NOS1: variants seen among roughly 807,000 people sequenced by gnomAD.
NOS1 encodes the protein NOS type I.
NOS1 carries 51 observed loss-of-function variants against 164.5 expected under a neutral mutation model. The observed-to-expected ratio is 0.31, with a 90% CI of 0.25 to 0.39. The LOEUF (loss-of-function observed/expected upper bound fraction) is 0.39. Ranked by LOEUF, NOS1 falls within the 10% of genes least tolerant of loss-of-function variation. NOS1 has a pLI of 1.00. For missense variants in NOS1, 1,362 were observed against 1,885.6 expected, an observed-to-expected ratio of 0.72 and a Z score of 5.14; for synonymous variants, 719 against 745.8, an observed-to-expected ratio of 0.96 and a Z score of 0.59.
At chr12:117,303,240 T>C (rs943868923) in intron 3 of NOS1, among the ~76,000 whole-genome samples, 1 of 152,098 alleles carries the variant, frequency 6.6e-6, no homozygotes, top group Admixed American at 6.6e-5. Flanking sequence ...GTTGGTGTCA[T>C]CCTGGTGACC....
In NOS1 at chr12:117,330,480, T is replaced by C; in HGVS notation, c.590A>G (p.Gln197Arg). 1 of 1,614,198 alleles carries C rather than the reference T, an allele frequency of 6.2e-7. No homozygotes were observed. Among genetic ancestry groups the C allele is most frequent in the Non-Finnish European group, 8.5e-7 (1 of 1,180,040 alleles). ...CAGTTCATTGTTCTCCCCTCTGCCT[T>C]GGAGGCTGACTCTGGTTGCTTTCTT... ...PAKKATRVSL[Q>R]GRGENNELLK... The change falls in exon 2 of 29, where the codon CAA becomes CGA. Residue 197 changes from glutamine (Q) to arginine (R), a missense_variant. Gln to Arg is a conservative substitution (Grantham distance 43). Coordinates refer to ENST00000317775, the MANE Select transcript of NOS1 (RefSeq NM_000620.5). The surrounding 1 kb of genome is among the most constrained non-coding windows in gnomAD (Gnocchi z 4.6).
intron 8 of NOS1, among the ~76,000 whole-genome samples, chr12:117,280,319 C>T (rs770305463): frequency 5.9e-5 from 9 of 152,172 alleles, no homozygotes; most frequent in East Asian, 1.9e-4. Flanking sequence ...GACATTATCT[C>T]GTAACTCAGA....
At chr12:117,328,704 A>G (rs527721120) in intron 2 of NOS1, among the ~76,000 whole-genome samples, 3 of 152,320 alleles carry the variant, frequency 2.0e-5, no homozygotes, top group African/African-American at 7.2e-5. Context: ...AGCTGCGACT[A>G]CAGGCATGTG....
chr12:117,221,116 G>A (rs9658527), intron 26 of NOS1, among the ~76,000 whole-genome samples: 3,403 of 149,094 alleles, frequency 0.023, 51 homozygotes, highest in South Asian at 0.071. Flanking sequence ...CCTCTTATGG[G>A]CTGTTAAATT....
Position 117,234,791 on chromosome 12 carries a change from G to A in NOS1, c.3042-33C>T. The A allele has an allele frequency of 6.4e-7, 1 of 1,567,302 alleles. No homozygotes were observed. The highest frequency in any genetic ancestry group is 8.7e-7 in the Non-Finnish European group (1 of 1,149,670). On this transcript the variant is annotated intron_variant, in intron 20 of 28. Coordinates refer to ENST00000317775, the MANE Select transcript of NOS1 (RefSeq NM_000620.5). This position sits in a 1 kb window ranked among gnomAD's most constrained non-coding sequence, Gnocchi z 4.3. ...AAATTGCAGAGGAATCATAGGACAAGGGCCAGCAGCTACTTCCTCCTTTTT... is the reference window on the plus strand; with the variant it reads ...AAATTGCAGAGGAATCATAGGACAAAGGCCAGCAGCTACTTCCTCCTTTTT...
rs1161405851 is a variant in NOS1, at chr12:117,214,062, C to T, written c.*1247G>A. 5.1e-6 allele frequency: 5 copies of T among 985,278 alleles called. No homozygotes were observed. In the East Asian group the frequency reaches 3.4e-4, roughly 67 times the overall value. The allele number at this position is 985,278 out of a possible 1,614,324, so 61.0% of individuals were successfully genotyped here. ...AACAAGCCTGAGGGACAAGTTCTTC[C>T]CACCCCAAGTTGTGGCTCCTATCGA... On this transcript the variant is annotated 3_prime_UTR_variant, in exon 29 of 29. Coordinates refer to ENST00000317775, the MANE Select transcript of NOS1 (RefSeq NM_000620.5).
intron 14 of NOS1, among the ~76,000 whole-genome samples, chr12:117,259,979 C>T (rs955760883): frequency 8.6e-5 from 13 of 151,894 alleles, no homozygotes; most frequent in Non-Finnish European, 1.5e-4. Flanking sequence ...ATTAGCCGAA[C>T]GTGGTGGTGG....
rs1003826330 is a variant in NOS1 at position 117,209,444 on chromosome 12, C to A, written c.*5865G>T. ...GTCTCCTAGAACTTAGGAGTCAAAT[C>A]TGGGCACTTCGATGTCCTGGAGTTA... On this transcript the variant is annotated 3_prime_UTR_variant, in exon 29 of 29. Transcript: ENST00000317775. 11 of 985,316 alleles carry A rather than the reference C, an allele frequency of 1.1e-5. No homozygotes were observed. Among genetic ancestry groups the A allele is most frequent in the Non-Finnish European group, 1.2e-5 (10 of 829,940 alleles). 61.0% of individuals were successfully genotyped at this position (985,316 alleles called of 1,614,324 possible).
At position 117,215,332 on chromosome 12, in the gene NOS1, A is replaced by T; in HGVS notation, c.4290-8T>A. 6.5e-7 allele frequency: 1 copy of T among 1,540,500 alleles called. No homozygotes were observed. Among genetic ancestry groups the T allele is most frequent in the Non-Finnish European group, 8.8e-7 (1 of 1,142,162 alleles). On this transcript the variant is annotated splice_polypyrimidine_tract_variant and splice_region_variant and intron_variant, in intron 28 of 28. Transcript: ENST00000317775. ...AGTTAGGAGCTGAAAACCCTGTGGA[A>T]AGAGAAGTTGGGGGGCAGTTAGTGC...
At chr12:117,253,579 C>A in intron 17 of NOS1, 59 bp downstream of exon 17, 1 of 1,186,788 alleles carries the variant, frequency 8.4e-7, no homozygotes, top group Non-Finnish European at 1.2e-6. Flanking sequence ...GTAAGTAGGT[C>A]AAGCTCCCCA....
chr12:117,290,880 CA>C (rs1873005896), intron 3 of NOS1, among the ~76,000 whole-genome samples: 1 of 152,076 alleles, frequency 6.6e-6, no homozygotes, highest in African/African-American at 2.4e-5. Flanking sequence ...CCAAACTCAC[CA>C]TTTCTGGCGA....
In NOS1 at chr12:117,213,707, A is replaced by G. The variant is rs965366404; in HGVS notation, c.*1602T>C. On this transcript the variant is annotated 3_prime_UTR_variant, in exon 29 of 29. Transcript: ENST00000317775. ...TAAAAGAAATGTGGTTTTTCTGTATAGCAAGACACAACAAACAGGGTAGAA... is the reference window on the plus strand; with the variant it reads ...TAAAAGAAATGTGGTTTTTCTGTATGGCAAGACACAACAAACAGGGTAGAA... 12 of 985,350 alleles carry G rather than the reference A, an allele frequency of 1.2e-5. No individual in the cohort carries two copies. The African/African-American group carries it at 1.9e-4, about 16-fold the overall frequency. The allele number at this position is 985,350 out of a possible 1,614,324, so 61.0% of individuals were successfully genotyped here. A position where few individuals can be genotyped will look rare whatever the true frequency, so the allele number is the denominator to read the frequency against.
intron 15 of NOS1, 125 bp from the exon 16 acceptor site, chr12:117,258,580 G>T: frequency 1.1e-6 from 1 of 929,850 alleles, no homozygotes; most frequent in Non-Finnish European, 1.7e-6. Flanking sequence ...AGGATGTCAG[G>T]AGCGGTCAGG....
At chr12:117,232,745 C>T (rs369478900) in intron 21 of NOS1, among the ~76,000 whole-genome samples, 1 of 152,204 alleles carries the variant, frequency 6.6e-6, no homozygotes, top group Non-Finnish European at 1.5e-5. Context: ...CCCCTCTATA[C>T]ACTCTTCATC....
At chr12:117,352,176 A>AATAC (rs71444621) in intron 1 of NOS1, among the ~76,000 whole-genome samples, 50,047 of 149,114 alleles carry the variant, frequency 0.34, 8,527 homozygotes, top group East Asian at 0.43. Flanking sequence ...CTGTCTCAGA[A>AATAC]ATACATACAT....
Position 117,280,731 on chromosome 12 carries a change from G to C in NOS1, c.1518C>G (p.Phe506Leu), listed in dbSNP as rs756054154. ...GGGGCGGAAACGCTCGCACCTCTGT[G>C]AACTGCACATTGGCTGGGTCCCCCA... is the stretch of plus-strand genomic sequence containing the variant. ...STLGDPANVQ[F>L]TEICIQQGWK... is the part of the protein sequence containing the mutation. The change falls in exon 8 of 29, where the codon TTC (phenylalanine) becomes TTG (leucine). Residue 506 changes from phenylalanine (F) to leucine (L), a missense_variant. By Grantham distance (22) the Phe-to-Leu change is conservative (BLOSUM62 0). Transcript: ENST00000317775. 1 of 1,614,000 alleles carries C rather than the reference G, an allele frequency of 6.2e-7. No individual in the cohort carries two copies. Among genetic ancestry groups the C allele is most frequent in the Middle Eastern group, 1.7e-4 (1 of 6,060 alleles).
rs937192462 is a variant in NOS1 at position 117,243,050 on chromosome 12, T to C, written c.2962+247A>G. 1.3e-5 allele frequency among the ~76,000 whole-genome samples: 2 copies of C among 151,952 alleles called. No individual in the cohort carries two copies. Among genetic ancestry groups the C allele is most frequent in the Non-Finnish European group, 2.9e-5 (2 of 67,974 alleles). On this transcript the variant is annotated intron_variant, in intron 19 of 28. Coordinates refer to ENST00000317775, the MANE Select transcript of NOS1 (RefSeq NM_000620.5). The surrounding 1 kb of genome is among the most constrained non-coding windows in gnomAD (Gnocchi z 4.3). ...AGTGCAGAACAAAAAGAAAATATAG[T>C]TGAGTTAAGTTGAGAAGAGGATGGT... is the stretch of plus-strand genomic sequence containing the variant.
Position 117,265,331 on chromosome 12 carries a change from G to A in NOS1, c.2121C>T (p.Pro707=). Residue 707 remains proline, a synonymous_variant, in exon 12 of 29, where the codon CCC becomes CCT. Coordinates refer to ENST00000317775, the MANE Select transcript of NOS1 (RefSeq NM_000620.5). ...HQEMLNYRLT[P]SFEYQPDPWN... ...AGGGAAGGACCTGGTATTCGAAGGA[G>A]GGGGTGAGCCGGTAGTTGAGCATCT... is the stretch of plus-strand genomic sequence containing the variant. The A allele has an allele frequency of 2.6e-6, 4 of 1,551,656 alleles. No individual in the cohort carries two copies. In the South Asian group the frequency reaches 5.0e-5, roughly 19 times the overall value.
intron 2 of NOS1, among the ~76,000 whole-genome samples, chr12:117,323,105 G>C (rs762638290): frequency 6.6e-5 from 10 of 152,174 alleles, no homozygotes; most frequent in Non-Finnish European, 1.2e-4. Context: ...CTTTTATTCT[G>C]AGGAAGAGCC....
Sources: allele counts gnomAD v4.1 joint callset (sites outside exome capture counted in the v4.1 genomes callset), GRCh38; gene constraint gnomAD v4.1.1; non-coding constraint Gnocchi (gnomAD v3.1); transcripts MANE v1.5; gene names NCBI Gene and HGNC (gene_info 2026-07-23, HGNC 2026-07-21).